The following COP1 variants were observed in gnomAD, a reference collection of about 807,000 sequenced individuals.
The protein encoded by COP1 is E3 ubiquitin-protein ligase COP1.
COP1 carries 24 observed loss-of-function variants against 101.3 expected under a neutral mutation model. The ratio of observed to expected loss-of-function variants is 0.24; its 90% confidence interval spans 0.17 to 0.33. The LOEUF (loss-of-function observed/expected upper bound fraction) is 0.33, where lower values mean the gene tolerates loss of function less well. Ranked by LOEUF, COP1 falls within the 10% of genes least tolerant of loss-of-function variation. The probability of loss-of-function intolerance (pLI) is 1.00; values close to 1 mark genes in which losing one functional copy is unlikely to be tolerated. For missense variants in COP1, 663 were observed against 906.2 expected (o/e 0.73, Z 3.45); for synonymous variants, 347 against 341.9 (o/e 1.01, Z -0.17).
chr1:176,059,937 G>T (rs1006245514), intron 11 of COP1, among the ~76,000 whole-genome samples: 8 of 152,200 alleles, frequency 5.3e-5, no homozygotes, highest in Admixed American at 5.2e-4. Context: ...GTCAAGCAAT[G>T]AGTTGAAATT....
intron 15 of COP1, among the ~76,000 whole-genome samples, chr1:175,991,494 C>T (rs1021955792): frequency 1.3e-5 from 2 of 152,068 alleles, no homozygotes; most frequent in African/African-American, 2.4e-5. Flanking sequence ...AGGCCTAAGA[C>T]GTTAACAGTA....
chr1:176,087,249 T>C (rs1299987038), intron 9 of COP1, among the ~76,000 whole-genome samples: 8 of 152,134 alleles, frequency 5.3e-5, no homozygotes, highest in Non-Finnish European at 1.2e-4. Context: ...AAAGCCAAAA[T>C]TGACAAATGG....
chr1:176,064,770 C>T (rs974471795), intron 11 of COP1, among the ~76,000 whole-genome samples: 1 of 152,056 alleles, frequency 6.6e-6, no homozygotes, highest in African/African-American at 2.4e-5. Flanking sequence ...GCCCCTGCCT[C>T]AGCCTCCTGG....
intron 10 of COP1, among the ~76,000 whole-genome samples, chr1:176,082,962 G>A (rs140657612): frequency 0.018 from 2,715 of 152,236 alleles, 61 homozygotes; most frequent in Non-Finnish European, 0.026. Flanking sequence ...CCACTTAGTT[G>A]TGCTTCCATT....
chr1:175,946,593 A>G (rs772970074), intron 19 of COP1, among the ~76,000 whole-genome samples: 2 of 152,236 alleles, frequency 1.3e-5, no homozygotes, highest in Non-Finnish European at 2.9e-5. Flanking sequence ...TATTTATCCA[A>G]TGTATCATGT....
At chr1:176,187,484 A>T (rs1272326861) in intron 1 of COP1, among the ~76,000 whole-genome samples, 1 of 152,032 alleles carries the variant, frequency 6.6e-6, no homozygotes, top group East Asian at 1.9e-4. Flanking sequence ...CCTGGGCTGG[A>T]GCGATTCTCC....
At chr1:176,180,464 CAA>C (rs1697593348) in intron 2 of COP1, among the ~76,000 whole-genome samples, 1 of 152,056 alleles carries the variant, frequency 6.6e-6, no homozygotes, top group South Asian at 2.1e-4. Context: ...GTGGGCATAA[CAA>C]AGAGGTAAAA....
chr1:175,991,848 G>A (rs1258783944), intron 15 of COP1, among the ~76,000 whole-genome samples: 1 of 152,028 alleles, frequency 6.6e-6, no homozygotes, highest in Non-Finnish European at 1.5e-5. Context: ...GTCTTCAAGG[G>A]TAATGATATG....
chr1:176,101,231 A>G (rs1218364669), intron 9 of COP1, among the ~76,000 whole-genome samples: 2 of 144,396 alleles, frequency 1.4e-5, no homozygotes, highest in Non-Finnish European at 3.2e-5. Context: ...CTCGGGATCC[A>G]AGGACAGAGG....
chr1:176,001,885 TTTTCC>T lies in COP1; in HGVS notation c.1730-12411_1730-12407del, dbSNP rs965419333. Among the ~76,000 whole-genome samples the T allele has an allele frequency of 7.2e-5, 11 of 152,242 alleles. 1 individual carries two copies. The highest frequency in any genetic ancestry group is 9.6e-5 in the African/African-American group (4 of 41,550). ...AATATAAAATTCTTTATTGACAATC[TTTTCC>T]TTTCAATACTTTAAACATATCCTAC... On this transcript the variant is annotated intron_variant, in intron 15 of 19. Coordinates refer to ENST00000367669, the MANE Select transcript of COP1 (RefSeq NM_022457.7).
At chr1:176,055,354 A>C (rs532913111) in intron 11 of COP1, among the ~76,000 whole-genome samples, 14 of 152,208 alleles carry the variant, frequency 9.2e-5, no homozygotes, top group African/African-American at 3.4e-4. Context: ...AGAATCGCTT[A>C]AACCCGGGAA....
At chr1:176,096,715 A>G (rs1444351858) in intron 9 of COP1, among the ~76,000 whole-genome samples, 1 of 152,180 alleles carries the variant, frequency 6.6e-6, no homozygotes, top group Non-Finnish European at 1.5e-5. Flanking sequence ...CCAAGACCCC[A>G]ACTATCACTG....
At chr1:175,988,235 T>C in intron 17 of COP1, 53 bp downstream of exon 17, 1 of 1,538,196 alleles carries the variant, frequency 6.5e-7, no homozygotes, top group African/African-American at 1.4e-5. Context: ...CTGAGTTCAA[T>C]TTCAATAACA....
intron 15 of COP1, among the ~76,000 whole-genome samples, chr1:176,007,132 G>A (rs933342453): frequency 2.6e-5 from 4 of 151,920 alleles, no homozygotes; most frequent in East Asian, 1.9e-4. Flanking sequence ...CCAGTTGATC[G>A]CATCGGCTCC....
chr1:176,174,961 G>A (rs188432550), intron 3 of COP1, among the ~76,000 whole-genome samples: 112 of 152,230 alleles, frequency 7.4e-4, no homozygotes, highest in African/African-American at 2.6e-3. Flanking sequence ...AGTTGGTTCT[G>A]ACTAGTTATT....
Position 176,081,271 on chromosome 1 carries a change from T to G in COP1, c.1158A>C (p.Ala386=), listed in dbSNP as rs761612042. The change falls in exon 11 of 20, where the codon GCA becomes GCC. Residue 386 remains alanine (A), a synonymous_variant. Transcript: ENST00000367669. ...ATTCCTGAAATTCATCCAACTGGCT[T>G]GCAGTTCGACTGTCATCTATATGAA... The part of the protein sequence containing the change: ...MSRISDDSRT[A]SQLDEFQECL... The G allele has an allele frequency of 7.5e-6, 12 of 1,603,654 alleles. No individual in the cohort carries two copies. In the East Asian group the frequency reaches 9.0e-5, roughly 12 times the overall value.
intron 18 of COP1, among the ~76,000 whole-genome samples, chr1:175,972,929 T>C (rs1421807150): frequency 6.6e-6 from 1 of 152,108 alleles, no homozygotes; most frequent in Non-Finnish European, 1.5e-5. Flanking sequence ...GCCTCCCAGA[T>C]TCAAGCAATT....
rs191007586 is a variant in COP1 at position 176,032,287 on chromosome 1, C to T, written c.1613-4599G>A. Among the ~76,000 whole-genome samples, 3 of 152,202 alleles carry T rather than the reference C, an allele frequency of 2.0e-5. No individual in the cohort carries two copies. In the East Asian group the frequency reaches 5.8e-4, roughly 29 times the overall value. On this transcript the variant is annotated intron_variant, in intron 14 of 19. Transcript: ENST00000367669. ...CAGGGGCAATGTGTATTGTTTTATA[C>T]CTCTATAAAAAGTATGAAAGATTAA...
intron 1 of COP1, among the ~76,000 whole-genome samples, chr1:176,193,967 AG>A (rs1043545588): frequency 2.8e-4 from 43 of 152,368 alleles, no homozygotes; most frequent in African/African-American, 9.9e-4. Flanking sequence ...TTTAAACAAA[AG>A]GAACAGAGAA....
Sources: allele counts gnomAD v4.1 joint callset (sites outside exome capture counted in the v4.1 genomes callset), GRCh38; gene constraint gnomAD v4.1.1; transcripts MANE v1.5; gene names NCBI Gene and HGNC (gene_info 2026-07-23, HGNC 2026-07-21).